The following CCDC7 variants were observed in gnomAD, a reference collection of about 807,000 sequenced individuals.
The protein encoded by CCDC7 is coiled-coil domain containing 7.
CCDC7 carries 183 observed loss-of-function variants against 196.9 expected under a neutral mutation model. That is an observed-to-expected ratio of 0.93 (90% CI 0.82 to 1.05). CCDC7 has a LOEUF of 1.05. Ranked by LOEUF, CCDC7 falls within the 50% of genes least tolerant of loss-of-function variation. CCDC7 has a pLI of 0.00. For missense variants in CCDC7, 1,540 were observed against 1,482.2 expected (o/e 1.04, Z -0.64); for synonymous variants, 525 against 484.6 (o/e 1.08, Z -1.10).
intron 16 of CCDC7, among the ~76,000 whole-genome samples, chr10:32,575,757 G>A (rs999605734): frequency 5.3e-5 from 8 of 152,162 alleles, no homozygotes; most frequent in Admixed American, 2.6e-4. Flanking sequence ...GGGACCATCC[G>A]TAAATAAAGA....
At chr10:32,612,893 T>A (rs1305957909) in intron 18 of CCDC7, among the ~76,000 whole-genome samples, 1 of 151,220 alleles carries the variant, frequency 6.6e-6, no homozygotes, top group African/African-American at 2.4e-5. Context: ...TTTTTTTTTG[T>A]TGTGTCTCTG....
intron 30 of CCDC7, among the ~76,000 whole-genome samples, chr10:32,813,600 C>T (rs1352034445): frequency 6.6e-6 from 1 of 152,042 alleles, no homozygotes; most frequent in Non-Finnish European, 1.5e-5. Context: ...CCATGGTTTG[C>T]AGCTTGACCT....
At chr10:32,448,352 A>G (rs1045822332), upstream of CCDC7, among the ~76,000 whole-genome samples, 3 of 151,870 alleles carry the variant, frequency 2.0e-5, no homozygotes, top group African/African-American at 7.2e-5. Flanking sequence ...ACACATATAT[A>G]TGATTCTTTT....
chr10:32,611,066 A>G (rs1373949008), intron 18 of CCDC7, among the ~76,000 whole-genome samples: 1 of 152,180 alleles, frequency 6.6e-6, no homozygotes, highest in East Asian at 1.9e-4. Flanking sequence ...CTGTTTATCT[A>G]CATCCTCTCC....
At chr10:32,636,184 G>A (rs1018326829) in intron 20 of CCDC7, among the ~76,000 whole-genome samples, 15 of 152,080 alleles carry the variant, frequency 9.9e-5, no homozygotes, top group African/African-American at 3.6e-4. Context: ...TGCAAGTATA[G>A]TACTTAACAC....
At chr10:32,455,595 G>A (rs1325014806) in intron 2 of CCDC7, among the ~76,000 whole-genome samples, 1 of 152,154 alleles carries the variant, frequency 6.6e-6, no homozygotes, top group Non-Finnish European at 1.5e-5. Context: ...AGGATTACAG[G>A]TGTGAGCCAC....
intron 11 of CCDC7, 110 bp downstream of exon 12, chr10:32,518,615 A>G (rs970635087): frequency 3.6e-6 from 3 of 829,978 alleles, no homozygotes; most frequent in Non-Finnish European, 5.0e-6. Flanking sequence ...TTTACTATTA[A>G]TAATTCGTAG....
In CCDC7 at chr10:32,682,813, A is replaced by G. The variant is rs566000944; in HGVS notation, c.2123-3157A>G. Among the ~76,000 whole-genome samples the G allele has an allele frequency of 3.3e-5, 5 of 152,162 alleles. No homozygotes were observed. The East Asian group carries it at 9.6e-4, about 29-fold the overall frequency. On this transcript the variant is annotated intron_variant, in intron 21 of 41. Coordinates refer to ENST00000639629, the Ensembl canonical transcript of CCDC7. ...ATCTTCTTTTGATAAGTGTCTGTTC[A>G]TGTTCTTTGCCCATTTTTAATGGGG...
intron 31 of CCDC7, among the ~76,000 whole-genome samples, chr10:32,819,313 G>T (rs552849782): frequency 6.6e-6 from 1 of 152,224 alleles, no homozygotes; most frequent in East Asian, 1.9e-4. Flanking sequence ...TGAAATTGAG[G>T]CAATAATTAA....
intron 33 of CCDC7, among the ~76,000 whole-genome samples, chr10:32,839,388 C>G (rs1464237740): frequency 2.6e-5 from 4 of 151,664 alleles, no homozygotes; most frequent in Admixed American, 6.6e-5. Context: ...AAACCTTAAA[C>G]CAACAGCGGT....
At chr10:32,528,664 A>G (rs1037260492) in intron 11 of CCDC7, among the ~76,000 whole-genome samples, 37 of 147,772 alleles carry the variant, frequency 2.5e-4, no homozygotes, top group Admixed American at 1.4e-3. Flanking sequence ...ATATATATAC[A>G]CACACATATA....
intron 18 of CCDC7, among the ~76,000 whole-genome samples, chr10:32,633,189 GCTC>G (rs1159413375): frequency 5.4e-5 from 8 of 147,016 alleles, no homozygotes; most frequent in Non-Finnish European, 1.2e-4. Context: ...TACACACAGG[GCTC>G]CTCAGTTTGC....
Position 32,500,898 on chromosome 10 carries a change from C to T in CCDC7, c.872+8901C>T, listed in dbSNP as rs1033236761. ...CGTCTCCACCAAAAAATACGAAAAC[C>T]AGTCAGGCGTGGCGGCGCGTGCCTG... On this transcript the variant is annotated intron_variant, in intron 9 of 41. Coordinates refer to ENST00000639629, the Ensembl canonical transcript of CCDC7. Among the ~76,000 whole-genome samples the T allele has an allele frequency of 1.2e-4, 18 of 152,262 alleles. 2 individuals are homozygous for T. In the South Asian group the frequency reaches 2.7e-3, roughly 23 times the overall value.
intron 15 of CCDC7, among the ~76,000 whole-genome samples, chr10:32,570,958 C>T (rs2057463814): frequency 6.7e-6 from 1 of 150,094 alleles, no homozygotes; most frequent in South Asian, 2.1e-4. Flanking sequence ...GTATTATATT[C>T]ACAAGAGGTA....
At chr10:32,759,592 T>C (rs2077083161) in intron 28 of CCDC7, among the ~76,000 whole-genome samples, 1 of 152,130 alleles carries the variant, frequency 6.6e-6, no homozygotes, top group African/African-American at 2.4e-5. Context: ...CAAAAATTAA[T>C]TCAAGATGGA....
chr10:32,499,595 TTTA>T (rs2043542833), intron 9 of CCDC7, among the ~76,000 whole-genome samples: 1 of 140,888 alleles, frequency 7.1e-6, no homozygotes, highest in Non-Finnish European at 1.6e-5. Flanking sequence ...ATCTTTCTTT[TTTA>T]TTTTTTTATT....
chr10:32,607,084 T>A, intron 18 of CCDC7, among the ~76,000 whole-genome samples: 1 of 152,124 alleles, frequency 6.6e-6, no homozygotes, highest in East Asian at 1.9e-4. Context: ...AATAGTGACT[T>A]CTCATGAGAT....
At chr10:32,779,595 G>A (rs1036279338) in intron 29 of CCDC7, among the ~76,000 whole-genome samples, 9 of 152,188 alleles carry the variant, frequency 5.9e-5, no homozygotes, top group African/African-American at 1.7e-4. Flanking sequence ...GTGGTTAAGT[G>A]ACTATTTTCT....
chr10:32,573,449 T>G (rs527470623), intron 16 of CCDC7, among the ~76,000 whole-genome samples: 1 of 152,294 alleles, frequency 6.6e-6, no homozygotes, highest in African/African-American at 2.4e-5. Context: ...GAGTTTCTGG[T>G]CTCTATGAAG....
Sources: allele counts gnomAD v4.1 joint callset (sites outside exome capture counted in the v4.1 genomes callset), GRCh38; gene constraint gnomAD v4.1.1; transcripts MANE v1.5; gene names NCBI Gene and HGNC (gene_info 2026-07-23, HGNC 2026-07-21).